FER1L5: variants seen among roughly 807,000 people sequenced by gnomAD.
The protein encoded by FER1L5 is fer-1 like family member 5.
FER1L5 carries 187 observed loss-of-function variants against 279.9 expected under a neutral mutation model. That is an observed-to-expected ratio of 0.67 (90% CI 0.59 to 0.75). The LOEUF is 0.75. FER1L5 is among the 30% of genes least tolerant of loss of function. FER1L5 has a pLI of 0.00. For missense variants in FER1L5, 2,091 were observed against 2,594.4 expected (o/e 0.81, Z 4.21); for synonymous variants, 921 against 989.7 (o/e 0.93, Z 1.30).
intron 13 of FER1L5, among the ~76,000 whole-genome samples, chr2:96,662,517 A>G (rs2075990956): frequency 6.6e-6 from 1 of 152,036 alleles, no homozygotes; most frequent in Non-Finnish European, 1.5e-5. Context: ...CAATGAGTGA[A>G]CACCATCGAA....
At chr2:96,649,177 C>A (rs1417380890) in intron 4 of FER1L5, among the ~76,000 whole-genome samples, 1 of 152,084 alleles carries the variant, frequency 6.6e-6, no homozygotes, top group Admixed American at 6.5e-5. Context: ...GGGGGCCATC[C>A]TGGTGATGGT....
Position 96,689,156 on chromosome 2 carries a change from T to C in FER1L5, c.2362-57T>C, listed in dbSNP as rs2077045275. ...AGTCAGGGGGCCCAGGGGAGGCCCA[T>C]GTCCCCGCACTTTGTGCTAGAGGAG... is the stretch of plus-strand genomic sequence containing the variant. On this transcript the variant is annotated intron_variant, in intron 24 of 52. Transcript: ENST00000624922. This position sits in a 1 kb window ranked among gnomAD's most constrained non-coding sequence, Gnocchi z 4.6. The C allele has an allele frequency of 3.3e-6, 5 of 1,512,060 alleles. No individual in the cohort carries two copies. The highest frequency in any genetic ancestry group is 2.4e-5 in the Admixed American group (1 of 42,020). The allele number at this position is 1,512,060 out of a possible 1,614,324, so 93.7% of individuals were successfully genotyped here.
At position 96,642,812 on chromosome 2, in the gene FER1L5, G is replaced by A. The variant is rs2074940375; in HGVS notation, c.-25G>A. Reference sequence around the variant, plus strand: ...GGAAGCTGTGGCGCTGCGTAGGGAAGGAGGGAAGAAAGTAGGTCTCCGAGA... The same window carrying A: ...GGAAGCTGTGGCGCTGCGTAGGGAAAGAGGGAAGAAAGTAGGTCTCCGAGA... On this transcript the variant is annotated 5_prime_UTR_variant, in exon 1 of 53. Coordinates refer to ENST00000624922, the MANE Select transcript of FER1L5 (RefSeq NM_001293083.2). 1 of 1,549,338 alleles carries A rather than the reference G, an allele frequency of 6.5e-7. No homozygotes were observed. Among genetic ancestry groups the A allele is most frequent in the African/African-American group, 1.4e-5 (1 of 73,014 alleles).
At chr2:96,663,326 G>C (rs1238492402) in intron 13 of FER1L5, 113 bp from the exon 14 acceptor site, 1 of 958,228 alleles carries the variant, frequency 1.0e-6, no homozygotes, top group Non-Finnish European at 1.6e-6. Context: ...ATTAGCCCAA[G>C]CACCTCTGTG....
intron 9 of FER1L5, 82 bp downstream of exon 9, chr2:96,654,578 G>A (rs546720671): frequency 2.5e-6 from 1 of 397,410 alleles, no homozygotes; most frequent in East Asian, 3.6e-5. Context: ...CCAAGTCTAG[G>A]GAAAAGGACT....
intron 19 of FER1L5, among the ~76,000 whole-genome samples, chr2:96,673,711 T>C (rs1002785801): frequency 6.6e-6 from 1 of 152,026 alleles, no homozygotes; most frequent in Non-Finnish European, 1.5e-5. Context: ...TTGGGCACTA[T>C]AGAGCAGCGG....
intron 14 of FER1L5, 41 bp downstream of exon 14, chr2:96,663,548 C>A (rs1423594449): frequency 1.3e-6 from 2 of 1,545,076 alleles, no homozygotes; most frequent in Non-Finnish European, 1.8e-6. Flanking sequence ...CCCACATCCC[C>A]TAACATAGAA....
At position 96,694,148 on chromosome 2, in the gene FER1L5, C is replaced by A; in HGVS notation, c.3636+76C>A. ...CCGTCCCACCCCCAGCCAGCGGGGG[C>A]CAACTCCACCCTGTCAGGAAATGCC... is the stretch of plus-strand genomic sequence containing the variant. On this transcript the variant is annotated intron_variant, in intron 33 of 52. Coordinates refer to ENST00000624922, the MANE Select transcript of FER1L5 (RefSeq NM_001293083.2). This position sits in a 1 kb window ranked among gnomAD's most constrained non-coding sequence, Gnocchi z 4.6. 10 of 1,462,456 alleles carry A rather than the reference C, an allele frequency of 6.8e-6. No individual in the cohort carries two copies. Among genetic ancestry groups the A allele is most frequent in the Non-Finnish European group, 9.1e-6 (10 of 1,104,494 alleles). The allele number at this position is 1,462,456 out of a possible 1,614,324, so 90.6% of individuals were successfully genotyped here.
chr2:96,678,808 T>A (rs1382833945), intron 19 of FER1L5, among the ~76,000 whole-genome samples: 1 of 152,236 alleles, frequency 6.6e-6, no homozygotes, highest in Admixed American at 6.5e-5. Flanking sequence ...TTGCCTGTTT[T>A]TAAATTGCAT....
At chr2:96,651,395 C>A (rs1188962085) in intron 6 of FER1L5, among the ~76,000 whole-genome samples, 1 of 136,572 alleles carries the variant, frequency 7.3e-6, no homozygotes, top group Non-Finnish European at 1.6e-5. Context: ...CTTTTCCTTC[C>A]TCCCTCCCTT....
chr2:96,644,001 A>G (rs2075003637), intron 1 of FER1L5, among the ~76,000 whole-genome samples: 1 of 149,778 alleles, frequency 6.7e-6, no homozygotes, highest in Admixed American at 6.7e-5. Context: ...GTGAAACCCT[A>G]TCTTTATTAA....
At chr2:96,674,577 C>G (rs1029268486) in intron 19 of FER1L5, among the ~76,000 whole-genome samples, 1 of 152,080 alleles carries the variant, frequency 6.6e-6, no homozygotes, top group African/African-American at 2.4e-5. Context: ...ATATATGGAA[C>G]ATATAATATG....
Position 96,691,845 on chromosome 2 carries a change from C to T in FER1L5, c.3096C>T (p.His1032=), listed in dbSNP as rs755180256. The stretch of plus-strand genomic sequence containing the variant: ...TACAGGCTATGGATCTGAAATACCA[C>T]GCTGGGAAGGAAGAGGACAGCAAGA... ...EGSLAMDLKY[H]AGKEEDSKTW... Residue 1032 remains histidine, a synonymous_variant, in exon 30 of 53, where the codon CAC becomes CAT. Transcript: ENST00000624922. This position sits in a 1 kb window ranked among gnomAD's most constrained non-coding sequence, Gnocchi z 6.0. The T allele has an allele frequency of 8.6e-5, 134 of 1,551,474 alleles. 1 individual carries two copies. The highest frequency in any genetic ancestry group is 4.4e-4 in the African/African-American group (32 of 73,024).
chr2:96,660,996 T>G (rs1373964986), intron 10 of FER1L5, among the ~76,000 whole-genome samples: 1 of 152,204 alleles, frequency 6.6e-6, no homozygotes, highest in Non-Finnish European at 1.5e-5. Context: ...GAGAGGAAAT[T>G]TCCACCTTAC....
rs2077705908 is a variant in FER1L5, at chr2:96,704,332, T to C, written c.5919T>C (p.Leu1973=). The change falls in exon 52 of 53, where the codon CTT becomes CTC. Residue 1973 remains leucine (L), a synonymous_variant. Transcript: ENST00000624922. ...IAFMVISIIA[L]MLFNFIYSAP... ...TTATGGTCATATCGATTATAGCACTTATGCTGTTTAACTTCATCTATTCAG... is the reference window on the plus strand; with the variant it reads ...TTATGGTCATATCGATTATAGCACTCATGCTGTTTAACTTCATCTATTCAG... 1 of 1,614,024 alleles carries C rather than the reference T, an allele frequency of 6.2e-7. No individual in the cohort carries two copies. Among genetic ancestry groups the C allele is most frequent in the Non-Finnish European group, 8.5e-7 (1 of 1,179,898 alleles).
chr2:96,643,993 G>GGTCTTTATT (rs2075002625), intron 1 of FER1L5, among the ~76,000 whole-genome samples: 1 of 151,016 alleles, frequency 6.6e-6, no homozygotes, highest in African/African-American at 2.4e-5. Flanking sequence ...CCAACACGGT[G>GGTCTTTATT]AAACCCTATC....
In FER1L5 at chr2:96,686,356, AATCAGGGACTCCTCAGG is replaced by A; in HGVS notation, c.2229+7_2229+23del. On this transcript the variant is annotated splice_region_variant and intron_variant, in intron 23 of 52. Coordinates refer to ENST00000624922, the MANE Select transcript of FER1L5 (RefSeq NM_001293083.2). Reference sequence around the variant, plus strand: ...TACAGACACTCTTCCTACAGGTGGGAATCAGGGACTCCTCAGGGGAGGACAGGGCTGAGAAATGCCCC... The same window carrying A: ...TACAGACACTCTTCCTACAGGTGGGAGGAGGACAGGGCTGAGAAATGCCCC... 6.5e-7 allele frequency: 1 copy of A among 1,549,714 alleles called. No homozygotes were observed. The highest frequency in any genetic ancestry group is 8.7e-7 in the Non-Finnish European group (1 of 1,146,004).
At position 96,689,005 on chromosome 2, in the gene FER1L5, C is replaced by G. The variant is rs536769388; in HGVS notation, c.2362-208C>G. On this transcript the variant is annotated intron_variant, in intron 24 of 52. Coordinates refer to ENST00000624922, the MANE Select transcript of FER1L5 (RefSeq NM_001293083.2). This position sits in a 1 kb window ranked among gnomAD's most constrained non-coding sequence, Gnocchi z 4.6. Reference sequence around the variant, plus strand: ...TCTGTCCACACATGCAGCATCCACCCCACTCTGCCAGCTGAATGATCCAGG... The same window carrying G: ...TCTGTCCACACATGCAGCATCCACCGCACTCTGCCAGCTGAATGATCCAGG... 1 of 565,830 alleles carries G rather than the reference C, an allele frequency of 1.8e-6. No individual in the cohort carries two copies. The highest frequency in any genetic ancestry group is 2.1e-5 in the South Asian group (1 of 46,718). The allele number at this position is 565,830 out of a possible 1,614,324, so 35.1% of individuals were successfully genotyped here.
intron 43 of FER1L5, 45 bp from the exon 44 acceptor site, chr2:96,699,887 T>C (rs1374890740): frequency 6.2e-7 from 1 of 1,607,936 alleles, no homozygotes; most frequent in East Asian, 2.2e-5. Context: ...GCAGTGTTCT[T>C]CAGGACCCAA....
Sources: gnomAD v4.1 joint callset for allele counts (sites outside exome capture counted in the v4.1 genomes callset) on GRCh38, gnomAD v4.1.1 for gene constraint, Gnocchi (gnomAD v3.1) non-coding constraint, MANE v1.5 for transcripts, NCBI Gene and HGNC (gene_info 2026-07-23, HGNC 2026-07-21) for gene names.